NR4A1: variants seen among roughly 807,000 people sequenced by gnomAD.
NR4A1 encodes nuclear receptor subfamily 4immunitygroup A member 1.
A neutral mutation model predicts 47.5 loss-of-function variants in NR4A1; 24 were observed. The ratio of observed to expected loss-of-function variants is 0.50; its 90% confidence interval spans 0.37 to 0.71. The LOEUF (loss-of-function observed/expected upper bound fraction) is 0.71, where lower values mean the gene tolerates loss of function less well. Among genes scored for constraint, NR4A1 ranks in the 30% least tolerant of loss-of-function variants. The pLI, the probability that NR4A1 is intolerant of heterozygous loss-of-function variation, is 0.00. For synonymous variants in NR4A1, 353 were observed against 345.7 expected (o/e 1.02, Z -0.24); for missense variants, 669 against 788.6 (o/e 0.85, Z 1.82).
chr12:52,051,252 G>GC (rs562370297), upstream of NR4A1: 4,068 of 202,108 alleles, frequency 0.02, 137 homozygotes, highest in African/African-American at 0.085. Flanking sequence ...GACATTCCAG[G>GC]CCCCCCCTCC....
intron 1 of NR4A1, among the ~76,000 whole-genome samples, chr12:52,030,672 G>T (rs1282478803): frequency 6.6e-6 from 1 of 152,046 alleles, no homozygotes; most frequent in African/African-American, 2.4e-5. Flanking sequence ...CATGTGATCC[G>T]CCTGCCTTGG....
upstream of NR4A1, among the ~76,000 whole-genome samples, chr12:52,050,630 A>G (rs1938874003): frequency 6.6e-6 from 1 of 152,184 alleles, no homozygotes; most frequent in African/African-American, 2.4e-5. Flanking sequence ...GCGGAGCCAG[A>G]GCTGTTGGCC....
At position 52,058,736 on chromosome 12, in the gene NR4A1, G is replaced by A. The variant is rs780069174; in HGVS notation, c.1589G>A (p.Arg530His). The A allele has an allele frequency of 4.3e-5, 69 of 1,610,910 alleles. No homozygotes were observed. The highest frequency in any genetic ancestry group is 1.0e-5 in the Non-Finnish European group (12 of 1,179,108). ...EPRRVEELQN[R>H]IASCLKEHVA... ...CGGCGGGTGGAGGAGCTGCAGAACC[G>A]CATCGCCAGCTGCCTGAAGGAGCAC... is the stretch of plus-strand genomic sequence containing the variant. Residue 530 changes from arginine (R) to histidine (H), a missense_variant, in exon 7 of 7, where the codon CGC (arginine) becomes CAC (histidine). Arg to His is a conservative substitution (Grantham distance 29). Coordinates refer to ENST00000394825, the MANE Select transcript of NR4A1 (RefSeq NM_173157.3).
intron 1 of NR4A1, among the ~76,000 whole-genome samples, chr12:52,029,244 G>A (rs1938066012): frequency 6.6e-6 from 1 of 152,300 alleles, no homozygotes. Flanking sequence ...AGATGTGGGG[G>A]CAGAATTCCC....
intron 1 of NR4A1, among the ~76,000 whole-genome samples, chr12:52,030,440 A>G (rs1187766148): frequency 1.3e-5 from 2 of 151,932 alleles, no homozygotes; most frequent in African/African-American, 2.4e-5. Context: ...ATTTTGTATT[A>G]TTTTTTGAGA....
chr12:52,058,054 G>A (rs1939366294), intron 6 of NR4A1, among the ~76,000 whole-genome samples: 1 of 152,062 alleles, frequency 6.6e-6, no homozygotes, highest in South Asian at 2.1e-4. Flanking sequence ...GAACTCCTGG[G>A]CTCAAATGAT....
At chr12:52,043,630 A>C in intron 2 of NR4A1, 1 of 1,145,514 alleles carries the variant, frequency 8.7e-7, no homozygotes, top group Non-Finnish European at 1.1e-6. Context: ...AGGTCCAGTC[A>C]AGAGGGCCCA....
At chr12:52,044,462 C>T (rs938499342) in intron 2 of NR4A1, among the ~76,000 whole-genome samples, 14 of 152,234 alleles carry the variant, frequency 9.2e-5, no homozygotes, top group Admixed American at 2.0e-4. Flanking sequence ...AAACACGCTC[C>T]GGGACCTGGG....
At chr12:52,055,863 C>CA (rs1267141706) in intron 2 of NR4A1, 167 bp from the exon 3 acceptor site, 2 of 458,970 alleles carry the variant, frequency 4.4e-6, no homozygotes, top group African/African-American at 4.1e-5. Context: ...CTCCCCCCGC[C>CA]CAACCCCGTC....
At chr12:52,025,863 G>C (rs776558412) in intron 1 of NR4A1, among the ~76,000 whole-genome samples, 35 of 152,290 alleles carry the variant, frequency 2.3e-4, no homozygotes, top group African/African-American at 8.2e-4. Flanking sequence ...CTTGGGGGCC[G>C]CAGGGGATCC....
chr12:52,054,680 G>A lies in NR4A1; in HGVS notation c.352G>A (p.Gly118Ser), dbSNP rs576515948. 2.4e-5 allele frequency: 39 copies of A among 1,614,008 alleles called. No homozygotes were observed. In the Middle Eastern group the frequency reaches 8.2e-4, roughly 34 times the overall value. The stretch of plus-strand genomic sequence containing the variant: ...CGGCTGCTACCCCGGCCCCCTGAGC[G>A]GCCCAGTGGATGAGGCCCTGTCCTC... ...VYGCYPGPLS[G>S]PVDEALSSSG... The change falls in exon 2 of 7, where the codon GGC (glycine) becomes AGC (serine). Residue 118 changes from glycine to serine, a missense_variant. Coordinates refer to ENST00000394825, the MANE Select transcript of NR4A1 (RefSeq NM_173157.3).
At chr12:52,031,675 G>A (rs1243670633) in intron 1 of NR4A1, among the ~76,000 whole-genome samples, 1 of 151,886 alleles carries the variant, frequency 6.6e-6, no homozygotes, top group Non-Finnish European at 1.5e-5. Context: ...CTACTTCCTT[G>A]GAGAAGCTTT....
intron 1 of NR4A1, among the ~76,000 whole-genome samples, chr12:52,051,850 T>A (rs1176927322): frequency 1.3e-5 from 2 of 151,808 alleles, no homozygotes; most frequent in Non-Finnish European, 2.9e-5. Context: ...CTTAGTTCAG[T>A]CTCCTAGGGT....
At chr12:52,041,977 T>C (rs1174997666) in intron 2 of NR4A1, 8 of 1,274,998 alleles carry the variant, frequency 6.3e-6, no homozygotes, top group Non-Finnish European at 7.0e-6. Context: ...GCAGGTGGGG[T>C]TGGGGGGCAG....
At chr12:52,046,358 ATGT>A (rs1047866278) in intron 2 of NR4A1, among the ~76,000 whole-genome samples, 16 of 152,192 alleles carry the variant, frequency 1.1e-4, no homozygotes, top group African/African-American at 3.4e-4. Flanking sequence ...CCTTGTCCTC[ATGT>A]TGTTCACATA....
Position 52,039,540 on chromosome 12 carries a change from G to A in NR4A1, c.-83-2270G>A, listed in dbSNP as rs56161633. Among the ~76,000 whole-genome samples the A allele has an allele frequency of 9.1e-3, 1,382 of 152,326 alleles. 8 individuals carry two copies. Among genetic ancestry groups the A allele is most frequent in the Non-Finnish European group, 0.014 (925 of 68,036 alleles). On this transcript the variant is annotated intron_variant, in intron 1 of 7. Coordinates refer to the NR4A1 transcript ENST00000360284. ...TCTTGGATCTGCCGCCAAATGGAAG[G>A]GACAGCTCCTGAGCTGGAATGCTCT...
At chr12:52,040,416 G>C (rs1318910367) in intron 1 of NR4A1, among the ~76,000 whole-genome samples, 3 of 152,136 alleles carry the variant, frequency 2.0e-5, no homozygotes, top group African/African-American at 7.2e-5. Context: ...TCAGCAGTGG[G>C]GTGGTAGGGA....
At chr12:52,037,549 C>A in intron 1 of NR4A1, 1 of 978,492 alleles carries the variant, frequency 1.0e-6, no homozygotes, top group Non-Finnish European at 1.2e-6. Flanking sequence ...CGGAGTCCCG[C>A]TTGGAAACTG....
chr12:52,037,548 G>T (rs756853954), intron 1 of NR4A1: 5 of 979,260 alleles, frequency 5.1e-6, no homozygotes, highest in Non-Finnish European at 6.1e-6. Context: ...CCGGAGTCCC[G>T]CTTGGAAACT....
Sources: gnomAD v4.1 joint callset for allele counts (sites outside exome capture counted in the v4.1 genomes callset) on GRCh38, gnomAD v4.1.1 for gene constraint, MANE v1.5 for transcripts, NCBI Gene and HGNC (gene_info 2026-07-23, HGNC 2026-07-21) for gene names.